Variants in PLCH2 observed in about 807,000 individuals in gnomAD.
The protein encoded by PLCH2 is 1-phosphatidylinositol 4,5-bisphosphate phosphodiesterase eta-2.
In PLCH2, 98 loss-of-function variants were observed where a neutral mutation model predicts 134.7. The observed-to-expected ratio is 0.73, with a 90% CI of 0.62 to 0.86. The LOEUF (loss-of-function observed/expected upper bound fraction) is 0.86. Among genes scored for constraint, PLCH2 ranks in the 40% least tolerant of loss-of-function variants. PLCH2 has a pLI of 0.00. For synonymous variants in PLCH2, 974 were observed against 827.5 expected (o/e 1.18, Z -3.04); for missense variants, 1,994 against 1,986.6 (o/e 1.00, Z -0.07).
chr1:2,497,476 A>C, intron 15 of PLCH2, 26 bp from the exon 16 acceptor site: 2 of 1,510,248 alleles, frequency 1.3e-6, no homozygotes, highest in Non-Finnish European at 1.8e-6. Flanking sequence ...GGTGCTGACC[A>C]GGGCAGCCTT....
upstream of PLCH2, among the ~76,000 whole-genome samples, chr1:2,471,983 C>T (rs550649735): frequency 4.8e-4 from 73 of 152,278 alleles, no homozygotes; most frequent in Admixed American, 1.2e-3. Context: ...CCTGCGGTGC[C>T]CTCCAGGTGT....
intron 6 of PLCH2, 64 bp downstream of exon 6, chr1:2,487,064 C>T (rs1226632778): frequency 4.0e-6 from 6 of 1,513,880 alleles, no homozygotes; most frequent in Non-Finnish European, 5.4e-6. Flanking sequence ...GAGGGCCCAA[C>T]CTGTGGGCCG....
upstream of PLCH2, among the ~76,000 whole-genome samples, chr1:2,465,356 A>ACCCTCTG (rs556972957): frequency 2.4e-4 from 36 of 152,128 alleles, no homozygotes; most frequent in African/African-American, 8.7e-4. Context: ...CAGGGTGGGG[A>ACCCTCTG]CCCTCTGCCC....
At chr1:2,425,141 CGAT>C (rs1348906181), upstream of PLCH2, among the ~76,000 whole-genome samples, 7 of 131,938 alleles carry the variant, frequency 5.3e-5, no homozygotes, top group Non-Finnish European at 6.1e-5. Context: ...CCAGCCTAGG[CGAT>C]AGAGTGTGAC....
rs537857511 is a variant in PLCH2 at position 2,495,300 on chromosome 1, G to A, written c.1753-188G>A. On this transcript the variant is annotated intron_variant, in intron 12 of 21. Transcript: ENST00000378486. Reference sequence around the variant, plus strand: ...CAGGTGCCTTGTGGCTGCCCTGAGAGTCTGCCAGAGCCCAGATCGAGAGGG... The same window carrying A: ...CAGGTGCCTTGTGGCTGCCCTGAGAATCTGCCAGAGCCCAGATCGAGAGGG... Among the ~76,000 whole-genome samples the A allele has an allele frequency of 2.0e-5, 3 of 152,328 alleles. No individual in the cohort carries two copies. In the East Asian group the frequency reaches 5.8e-4, roughly 30 times the overall value.
At chr1:2,482,956 G>A (rs1185495576) in intron 4 of PLCH2, among the ~76,000 whole-genome samples, 1 of 152,118 alleles carries the variant, frequency 6.6e-6, no homozygotes, top group Admixed American at 6.5e-5. Flanking sequence ...CTGCTTCCTC[G>A]ACCCCACTCT....
At chr1:2,502,818 G>A (rs1643312395) in intron 21 of PLCH2, 2 of 717,022 alleles carry the variant, frequency 2.8e-6, no homozygotes, top group Non-Finnish European at 5.2e-6. Context: ...GAGGGTGCCT[G>A]CAGGCAACCG....
intron 2 of PLCH2, among the ~76,000 whole-genome samples, chr1:2,455,195 G>A (rs537117577): frequency 2.2e-4 from 33 of 152,352 alleles, no homozygotes; most frequent in Middle Eastern, 3.4e-3. Flanking sequence ...GGCTTAGCCC[G>A]GGCATGGGAC....
At position 2,448,180 on chromosome 1, in the gene PLCH2, C is replaced by T. The variant is rs977891698; in HGVS notation, c.115+17551C>T. Among the ~76,000 whole-genome samples the T allele has an allele frequency of 3.3e-5, 5 of 152,204 alleles. No individual in the cohort carries two copies. The highest frequency in any genetic ancestry group is 2.1e-4 in the South Asian group (1 of 4,832). On this transcript the variant is annotated intron_variant, in intron 2 of 3. Transcript: ENST00000609981. The surrounding 1 kb of genome is among the most constrained non-coding windows in gnomAD (Gnocchi z 4.0). ...GGTGCCCCGGGTGTCTGGAGCACCA[C>T]GACATGGAGGGGTGTGTTTCCTGCA...
chr1:2,436,871 G>A (rs146390436), intron 2 of PLCH2, among the ~76,000 whole-genome samples: 19 of 152,360 alleles, frequency 1.2e-4, no homozygotes, highest in Non-Finnish European at 2.2e-4. Context: ...AGGCAGGGGA[G>A]GGTGTGGGCA....
chr1:2,450,719 C>G (rs1040910542), intron 2 of PLCH2, among the ~76,000 whole-genome samples: 1 of 51,142 alleles, frequency 2.0e-5, no homozygotes, highest in African/African-American at 7.7e-5. Context: ...GCCTGCCCCC[C>G]GCTCCCCGCC....
chr1:2,463,896 C>T (rs1445000321), upstream of PLCH2, among the ~76,000 whole-genome samples: 3 of 152,272 alleles, frequency 2.0e-5, no homozygotes, highest in Admixed American at 1.3e-4. Context: ...AGTGAACTCC[C>T]ATGGGGCACA....
upstream of PLCH2, among the ~76,000 whole-genome samples, chr1:2,472,146 C>G (rs915259412): frequency 1.3e-5 from 2 of 152,168 alleles, no homozygotes. Flanking sequence ...CTCGAGGCAC[C>G]GACTCACACT....
chr1:2,503,566 AC>A (rs901727291), intron 21 of PLCH2: 14 of 635,308 alleles, frequency 2.2e-5, no homozygotes, highest in Admixed American at 4.9e-5. Flanking sequence ...GCCCCTCCAG[AC>A]CCCCCTGACC....
chr1:2,478,275 G>A (rs936572550), intron 1 of PLCH2, among the ~76,000 whole-genome samples: 2 of 152,210 alleles, frequency 1.3e-5, no homozygotes, highest in African/African-American at 2.4e-5. Context: ...CACCTGGGGT[G>A]GAGGTGGCCC....
At chr1:2,480,715 T>C (rs1269561484) in intron 4 of PLCH2, among the ~76,000 whole-genome samples, 2 of 152,220 alleles carry the variant, frequency 1.3e-5, no homozygotes, top group Admixed American at 1.3e-4. Flanking sequence ...CCCAGTCTGA[T>C]GCGCAGCAGC....
At chr1:2,430,980 G>T (rs1397599713) in intron 2 of PLCH2, among the ~76,000 whole-genome samples, 3 of 152,216 alleles carry the variant, frequency 2.0e-5, no homozygotes, top group African/African-American at 7.2e-5. Context: ...TTCCTTCTTG[G>T]TCGTGTTGTC....
Position 2,505,056 on chromosome 1 carries a change from G to A in PLCH2, c.4094G>A (p.Gly1365Asp). 1 of 1,540,200 alleles carries A rather than the reference G, an allele frequency of 6.5e-7. No individual in the cohort carries two copies. The highest frequency in any genetic ancestry group is 8.7e-7 in the Non-Finnish European group (1 of 1,150,156). ...CAGGAGCGGCAGCAGAGACTGCAGG[G>A]CCTGGGCCGGCAGGGACCCCCAGAA... ...QAQERQQRLQ[G>D]LGRQGPPEEE... Residue 1365 changes from glycine (G) to aspartate (D), a missense_variant, in exon 22 of 22, where the codon GGC (glycine) becomes GAC (aspartate). Gly to Asp is a moderately conservative substitution (Grantham distance 94, BLOSUM62 -1). Transcript: ENST00000378486.
rs1281538403 is a variant in PLCH2, at chr1:2,505,392, G to A, written c.*179G>A. On this transcript the variant is annotated 3_prime_UTR_variant, in exon 22 of 22. Coordinates refer to ENST00000378486, the MANE Select transcript of PLCH2 (RefSeq NM_014638.4). ...CGGGGAGGAAAGGCTAAAGCTGCTG[G>A]CCCGGGGCCCACAGGAGGGGCTTCG... 3 of 584,232 alleles carry A rather than the reference G, an allele frequency of 5.1e-6. No homozygotes were observed. The highest frequency in any genetic ancestry group is 3.5e-5 in the Admixed American group (1 of 28,944). 36.2% of individuals were successfully genotyped at this position (584,232 alleles called of 1,614,324 possible). A position where few individuals can be genotyped will look rare whatever the true frequency, so the allele number is the denominator to read the frequency against.
Sources: allele counts gnomAD v4.1 joint callset (sites outside exome capture counted in the v4.1 genomes callset), GRCh38; gene constraint gnomAD v4.1.1; non-coding constraint Gnocchi (gnomAD v3.1); transcripts MANE v1.5; gene names NCBI Gene and HGNC (gene_info 2026-07-23, HGNC 2026-07-21).